Variants in NCOA7 observed in about 807,000 individuals in gnomAD.
NCOA7 encodes the protein nuclear receptor coactivator 7, also known as 140 kDa estrogen receptor-associated protein.
A neutral mutation model predicts 104.3 loss-of-function variants in NCOA7; 45 were observed. That is an observed-to-expected ratio of 0.43 (90% CI 0.34 to 0.55). The LOEUF (loss-of-function observed/expected upper bound fraction) is 0.55. NCOA7 is among the 20% of genes least tolerant of loss of function. NCOA7 has a pLI of 0.02. For missense variants in NCOA7, 1,041 were observed against 1,119.7 expected (o/e 0.93, Z 1.00); for synonymous variants, 398 against 402.3 (o/e 0.99, Z 0.13).
At position 125,888,974 on chromosome 6, in the gene NCOA7, C is replaced by T. The variant is rs759623544; in HGVS notation, c.920C>T (p.Pro307Leu). 8.1e-6 allele frequency: 13 copies of T among 1,613,704 alleles called. No homozygotes were observed. Among genetic ancestry groups the T allele is most frequent in the Non-Finnish European group, 1.1e-5 (13 of 1,179,888 alleles). ...CAGGATCTTTGTCCTCTGTACAGGC[C>T]TGGAGAATGGGAAGACCTGGCTTCA... ...LPQDLCPLYR[P>L]GEWEDLASEK... is the part of the protein sequence containing the mutation. Residue 307 changes from proline to leucine, a missense_variant, in exon 9 of 16, where the codon CCT becomes CTT. By Grantham distance (98) the Pro-to-Leu change is moderately conservative. Coordinates refer to ENST00000392477, the MANE Select transcript of NCOA7 (RefSeq NM_181782.5).
chr6:125,828,936 T>G (rs1269404689), intron 2 of NCOA7, among the ~76,000 whole-genome samples: 1 of 152,130 alleles, frequency 6.6e-6, no homozygotes, highest in Non-Finnish European at 1.5e-5. Flanking sequence ...TAGCAAATAA[T>G]GGAGCCAGGG....
chr6:125,908,097 A>C (rs1786193621), intron 10 of NCOA7, among the ~76,000 whole-genome samples: 1 of 152,196 alleles, frequency 6.6e-6, no homozygotes, highest in Non-Finnish European at 1.5e-5. Context: ...GCCTAGATTT[A>C]CTACTCACAG....
At chr6:125,883,105 T>G (rs980319290) in intron 7 of NCOA7, among the ~76,000 whole-genome samples, 2 of 152,212 alleles carry the variant, frequency 1.3e-5, no homozygotes, top group African/African-American at 2.4e-5. Context: ...CTGTATCTTC[T>G]TTTTAGTTTT....
chr6:125,842,051 TGAGAG>T (rs1249727389), intron 2 of NCOA7, among the ~76,000 whole-genome samples: 1 of 152,296 alleles, frequency 6.6e-6, no homozygotes, highest in Admixed American at 6.5e-5. Flanking sequence ...TTTTTAAAGT[TGAGAG>T]GAGAGAGAAG....
chr6:125,889,727 T>C lies in NCOA7; in HGVS notation c.1673T>C (p.Ile558Thr). The stretch of plus-strand genomic sequence containing the variant: ...AGTATTGAACCAGGGGGAATAGACA[T>C]TACCCTTAGTAGTTCTCTTTCCCAG... ...GKSIEPGGIDITLSSSLSQAG... is the reference protein window; with the variant it reads ...GKSIEPGGIDTTLSSSLSQAG... Residue 558 changes from isoleucine (I) to threonine (T), a missense_variant, in exon 9 of 16, where the codon ATT (isoleucine) becomes ACT (threonine). Physicochemically the swap from Ile to Thr is moderately conservative, Grantham distance 89. Around this residue, in one of 2 missense-constraint regions of NCOA7, gnomAD observed 914 missense variants for 942.7 expected, o/e 0.97. Coordinates refer to ENST00000392477, the MANE Select transcript of NCOA7 (RefSeq NM_181782.5). The C allele has an allele frequency of 6.2e-7, 1 of 1,613,696 alleles. No homozygotes were observed. The highest frequency in any genetic ancestry group is 1.1e-5 in the South Asian group (1 of 90,996).
intron 1 of NCOA7, among the ~76,000 whole-genome samples, chr6:125,801,697 A>G (rs577104271): frequency 6.6e-6 from 1 of 152,274 alleles, no homozygotes; most frequent in Non-Finnish European, 1.5e-5. Context: ...CTTAGCTTGC[A>G]GCGGTATAGC....
intron 5 of NCOA7, 77 bp from the exon 6 acceptor site, chr6:125,881,013 A>C: frequency 1.1e-6 from 1 of 942,366 alleles, no homozygotes. Flanking sequence ...TACTGTGTAG[A>C]GAATAACTTC....
chr6:125,855,176 A>C lies in NCOA7; in HGVS notation c.207A>C (p.Lys69Asn). 3 of 1,613,272 alleles carry C rather than the reference A, an allele frequency of 1.9e-6. No individual in the cohort carries two copies. Among genetic ancestry groups the C allele is most frequent in the Non-Finnish European group, 2.5e-6 (3 of 1,179,950 alleles). Residue 69 changes from lysine to asparagine, a missense_variant, in exon 3 of 16, where the codon AAA (lysine) becomes AAC (asparagine). Physicochemically the swap from Lys to Asn is moderately conservative, Grantham distance 94. This residue lies in a region of NCOA7 where 914 missense variants were observed against 942.7 expected (regional missense o/e 0.97). Coordinates refer to ENST00000392477, the MANE Select transcript of NCOA7 (RefSeq NM_181782.5). ...VEEEYMTDEK[K>N]KRKSNQLKEI... ...AGGAATATATGACTGATGAGAAAAA[A>C]AAGAGAAAAAGTAATCAGTTAAAGG...
At chr6:125,898,074 A>G (rs1280639323) in intron 10 of NCOA7, among the ~76,000 whole-genome samples, 4 of 152,238 alleles carry the variant, frequency 2.6e-5, no homozygotes, top group African/African-American at 7.2e-5. Context: ...AGGAGTGACT[A>G]GTTGATGACC....
At chr6:125,877,708 T>G (rs1457178445) in intron 4 of NCOA7, among the ~76,000 whole-genome samples, 1 of 152,204 alleles carries the variant, frequency 6.6e-6, no homozygotes, top group Non-Finnish European at 1.5e-5. Context: ...GAACAATTAT[T>G]GGTAGCTAAT....
chr6:125,850,187 T>G (rs1380475210), intron 2 of NCOA7, among the ~76,000 whole-genome samples: 1 of 152,170 alleles, frequency 6.6e-6, no homozygotes, highest in Non-Finnish European at 1.5e-5. Flanking sequence ...TAGAAATTGA[T>G]CTCTATACTT....
At chr6:125,915,252 G>A in intron 10 of NCOA7, 81 bp from the exon 11 acceptor site, 1 of 1,506,512 alleles carries the variant, frequency 6.6e-7, no homozygotes, top group Admixed American at 1.9e-5. Context: ...GGGAAAAGAT[G>A]GTTTATGTAC....
rs959169300 is a variant in NCOA7, at chr6:125,931,430, G to A, written c.*2659G>A. 6.6e-6 allele frequency: 1 copy of A among 152,076 alleles called. No homozygotes were observed. The highest frequency in any genetic ancestry group is 1.5e-5 in the Non-Finnish European group (1 of 68,018). The allele number at this position is 152,076 out of a possible 1,614,324, so 9.4% of individuals were successfully genotyped here. A position where few individuals can be genotyped will look rare whatever the true frequency, so the allele number is the denominator to read the frequency against. ...AACCTACTTCATAATTTCCGTAAGG[G>A]ACACTTTACTCTCTGATAAATTTTC... On this transcript the variant is annotated 3_prime_UTR_variant, in exon 16 of 16. Transcript: ENST00000392477.
chr6:125,901,469 A>G (rs1180925236), intron 10 of NCOA7, among the ~76,000 whole-genome samples: 2 of 152,240 alleles, frequency 1.3e-5, no homozygotes, highest in African/African-American at 4.8e-5. Context: ...CAACAGGGAT[A>G]TCACCTTTAC....
chr6:125,821,469 C>G (rs1479075816), intron 2 of NCOA7, among the ~76,000 whole-genome samples: 1 of 152,146 alleles, frequency 6.6e-6, no homozygotes, highest in Non-Finnish European at 1.5e-5. Context: ...ACCTGACCTG[C>G]TGCTACTCAC....
chr6:125,866,876 T>C (rs1405500178), intron 3 of NCOA7, among the ~76,000 whole-genome samples: 1 of 152,178 alleles, frequency 6.6e-6, no homozygotes, highest in Admixed American at 6.5e-5. Flanking sequence ...TTTTGGATAG[T>C]CTTATGTATT....
intron 1 of NCOA7, chr6:125,802,260 T>C (rs142408708): frequency 6.6e-6 from 1 of 152,280 alleles, no homozygotes; most frequent in African/African-American, 2.4e-5. Flanking sequence ...TGCATAATTG[T>C]CTCCAAACCG....
intron 2 of NCOA7, among the ~76,000 whole-genome samples, chr6:125,852,181 C>T (rs7753807): frequency 4.3e-4 from 65 of 151,710 alleles, no homozygotes; most frequent in African/African-American, 1.5e-3. Context: ...GGCCAATGTC[C>T]GGAAGAGTTT....
intron 10 of NCOA7, among the ~76,000 whole-genome samples, chr6:125,891,326 A>T (rs532494760): frequency 6.6e-6 from 1 of 152,330 alleles, no homozygotes; most frequent in East Asian, 1.9e-4. Flanking sequence ...TATATTTTCA[A>T]TTCACCAAAG....
Sources: allele counts gnomAD v4.1 joint callset (sites outside exome capture counted in the v4.1 genomes callset), GRCh38; gene constraint gnomAD v4.1.1; regional missense constraint gnomAD v4.1.1; transcripts MANE v1.5; gene names NCBI Gene and HGNC (gene_info 2026-07-23, HGNC 2026-07-21).